The following ARL13B variants were observed in gnomAD, a reference collection of about 807,000 sequenced individuals.
ARL13B encodes the protein ADP-ribosylation factor-like protein 13B.
ARL13B carries 36 observed loss-of-function variants against 56.1 expected under a neutral mutation model. The ratio of observed to expected loss-of-function variants is 0.64; its 90% CI spans 0.49 to 0.85. ARL13B has a LOEUF of 0.85. ARL13B is among the 40% of genes least tolerant of loss of function. The probability of loss-of-function intolerance (pLI) is 0.00; values close to 1 mark genes in which losing one functional copy is unlikely to be tolerated. For synonymous variants in ARL13B, 178 were observed against 171.1 expected, an observed-to-expected ratio of 1.04 and a Z score of -0.32; for missense variants, 519 against 507.1, an observed-to-expected ratio of 1.02 and a Z score of -0.23.
At chr3:94,010,067 C>T (rs1263752604) in intron 3 of ARL13B, among the ~76,000 whole-genome samples, 1 of 152,046 alleles carries the variant, frequency 6.6e-6, no homozygotes, top group Non-Finnish European at 1.5e-5. Flanking sequence ...ATACTTTGGG[C>T]TTTTTTTCCA....
chr3:94,053,148 A>C lies in ARL13B; in HGVS notation c.1211-39A>C, dbSNP rs773482403. 4 of 1,523,770 alleles carry C rather than the reference A, an allele frequency of 2.6e-6. No homozygotes were observed. The African/African-American group carries it at 5.5e-5, about 21-fold the overall frequency. The allele number at this position is 1,523,770 out of a possible 1,614,324, so 94.4% of individuals were successfully genotyped here. On this transcript the variant is annotated intron_variant, in intron 9 of 9. Coordinates refer to ENST00000394222, the MANE Select transcript of ARL13B (RefSeq NM_001174150.2). ...ACTGTGTCAAAAATCTTGATGTACC[A>C]TAACTGTTTTGTGCATTTGGTTTTC...
chr3:94,033,256 C>A (rs1016837832), intron 3 of ARL13B, among the ~76,000 whole-genome samples: 1 of 152,056 alleles, frequency 6.6e-6, no homozygotes, highest in African/African-American at 2.4e-5. Context: ...GAAATTAATA[C>A]CTACAATGCA....
chr3:94,001,673 A>G (rs1035157861), intron 2 of ARL13B, among the ~76,000 whole-genome samples: 1 of 152,146 alleles, frequency 6.6e-6, no homozygotes, highest in Non-Finnish European at 1.5e-5. Context: ...GACAGCAATC[A>G]TATCTTACTC....
At chr3:94,010,724 A>G (rs2076209930) in intron 3 of ARL13B, among the ~76,000 whole-genome samples, 1 of 152,092 alleles carries the variant, frequency 6.6e-6, no homozygotes, top group African/African-American at 2.4e-5. Context: ...TTTCTGATAC[A>G]TTGCTTTGTG....
At chr3:93,993,158 C>T (rs1204888694) in intron 1 of ARL13B, among the ~76,000 whole-genome samples, 1 of 151,902 alleles carries the variant, frequency 6.6e-6, no homozygotes, top group African/African-American at 2.4e-5. Flanking sequence ...TACAGTCCTG[C>T]TCTGTTGCCC....
At chr3:94,050,915 C>G in intron 9 of ARL13B, 23 bp downstream of exon 9, 1 of 1,603,300 alleles carries the variant, frequency 6.2e-7, no homozygotes, top group Non-Finnish European at 8.5e-7. Context: ...GATTGGTTTT[C>G]AGATATCATC....
At chr3:94,050,931 A>C (rs779478390) in intron 9 of ARL13B, 39 bp downstream of exon 9, 1 of 1,574,112 alleles carries the variant, frequency 6.4e-7, no homozygotes, top group African/African-American at 1.3e-5. Flanking sequence ...TCATCTGTAC[A>C]TGTCACATTC....
chr3:94,032,504 T>C (rs1358916181), intron 3 of ARL13B, among the ~76,000 whole-genome samples: 1 of 152,196 alleles, frequency 6.6e-6, no homozygotes, highest in Non-Finnish European at 1.5e-5. Flanking sequence ...TTTCTTTTTT[T>C]TTTTTCTTTT....
chr3:93,996,740 T>TG (rs2075974361), intron 2 of ARL13B: 1 of 234,470 alleles, frequency 4.3e-6, no homozygotes, highest in East Asian at 1.2e-4. Context: ...GCTAGTGACT[T>TG]TGTTGGGCAC....
intron 3 of ARL13B, among the ~76,000 whole-genome samples, chr3:94,012,845 C>T (rs2076248644): frequency 6.6e-6 from 1 of 152,164 alleles, no homozygotes; most frequent in African/African-American, 2.4e-5. Flanking sequence ...CTACTCACCT[C>T]TCCCAAATCC....
At chr3:93,998,420 C>T (rs1181719100) in intron 2 of ARL13B, among the ~76,000 whole-genome samples, 1 of 152,128 alleles carries the variant, frequency 6.6e-6, no homozygotes, top group African/African-American at 2.4e-5. Flanking sequence ...CCTTCAACTT[C>T]GAGCCCCACT....
At position 94,003,646 on chromosome 3, in the gene ARL13B, T is replaced by A; in HGVS notation, c.131-13T>A. On this transcript the variant is annotated splice_polypyrimidine_tract_variant and intron_variant, in intron 2 of 9. Coordinates refer to ENST00000394222, the MANE Select transcript of ARL13B (RefSeq NM_001174150.2). ...TCTAAAGATTTTCTTTTTTTGTGTA[T>A]CATTTGTAACAGAATACCCTGAAGA... 2 of 1,611,686 alleles carry A rather than the reference T, an allele frequency of 1.2e-6. No homozygotes were observed. The highest frequency in any genetic ancestry group is 1.1e-5 in the South Asian group (1 of 90,514).
chr3:94,031,034 G>A (rs571074776), intron 3 of ARL13B, among the ~76,000 whole-genome samples: 6 of 151,936 alleles, frequency 3.9e-5, no homozygotes, highest in Admixed American at 6.6e-5. Context: ...AAAAAAGAAC[G>A]TTCGAACACT....
intron 7 of ARL13B, among the ~76,000 whole-genome samples, chr3:94,047,501 T>C (rs2077001284): frequency 1.3e-5 from 2 of 152,154 alleles, no homozygotes. Flanking sequence ...ACTATAATAA[T>C]AACTAACATT....
intron 3 of ARL13B, among the ~76,000 whole-genome samples, chr3:94,033,095 AT>A (rs1212718262): frequency 6.6e-6 from 1 of 152,192 alleles, no homozygotes; most frequent in Non-Finnish European, 1.5e-5. Context: ...GCTGGAGGTC[AT>A]TTTTTAAAGT....
intron 3 of ARL13B, among the ~76,000 whole-genome samples, chr3:94,010,281 G>T (rs1400737742): frequency 6.6e-6 from 1 of 152,010 alleles, no homozygotes; most frequent in Non-Finnish European, 1.5e-5. Flanking sequence ...GTAGTACAGT[G>T]TTTCACTAGT....
intron 2 of ARL13B, among the ~76,000 whole-genome samples, chr3:93,997,903 C>T (rs1263363121): frequency 1.3e-5 from 2 of 152,082 alleles, no homozygotes; most frequent in Non-Finnish European, 2.9e-5. Flanking sequence ...AGGAAAATTG[C>T]TTGAACCCCG....
At chr3:94,015,313 G>A in intron 3 of ARL13B, 1 of 1,478,684 alleles carries the variant, frequency 6.8e-7, no homozygotes, top group African/African-American at 1.4e-5. Flanking sequence ...TGTTGAACAA[G>A]TAGAAATTTG....
At chr3:94,013,537 C>T (rs1012519979) in intron 3 of ARL13B, among the ~76,000 whole-genome samples, 1 of 152,214 alleles carries the variant, frequency 6.6e-6, no homozygotes, top group Admixed American at 6.5e-5. Flanking sequence ...CTTAACTCAT[C>T]TTCTTATTCC....
Sources: gnomAD v4.1 joint callset for allele counts (sites outside exome capture counted in the v4.1 genomes callset) on GRCh38, gnomAD v4.1.1 for gene constraint, MANE v1.5 for transcripts, NCBI Gene and HGNC (gene_info 2026-07-23, HGNC 2026-07-21) for gene names.